The following TMEM232 variants were observed in gnomAD, a reference collection of about 807,000 sequenced individuals.
The protein encoded by TMEM232 is transmembrane protein 232.
A neutral mutation model predicts 78.8 loss-of-function variants in TMEM232; 80 were observed. That is an observed-to-expected ratio of 1.01 (90% CI 0.85 to 1.22). The LOEUF is 1.22. Ranked by LOEUF, TMEM232 falls within the 50% of genes most tolerant of loss-of-function variation. The probability of loss-of-function intolerance (pLI) is 0.00; values close to 1 mark genes in which losing one functional copy is unlikely to be tolerated. For missense variants in TMEM232, 881 were observed against 742.2 expected, an observed-to-expected ratio of 1.19 and a Z score of -2.17; for synonymous variants, 297 against 254.3, an observed-to-expected ratio of 1.17 and a Z score of -1.60.
At chr5:110,487,863 C>A (rs1465942392) in intron 12 of TMEM232, among the ~76,000 whole-genome samples, 8 of 151,838 alleles carry the variant, frequency 5.3e-5, no homozygotes, top group Non-Finnish European at 4.4e-5. Flanking sequence ...TGTGGAATAG[C>A]GTCAAAAGGA....
intron 3 of TMEM232, among the ~76,000 whole-genome samples, chr5:110,396,990 C>G (rs980256323): frequency 6.6e-6 from 1 of 152,142 alleles, no homozygotes; most frequent in African/African-American, 2.4e-5. Context: ...ACTCAGACAA[C>G]TCTTTATCTC....
At chr5:110,727,460 T>G (rs907276607), upstream of TMEM232, among the ~76,000 whole-genome samples, 3 of 152,050 alleles carry the variant, frequency 2.0e-5, no homozygotes, top group Non-Finnish European at 4.4e-5. Context: ...AATACAAAAG[T>G]TAGCCAGGCG....
chr5:110,602,463 A>G (rs182600053), intron 10 of TMEM232, among the ~76,000 whole-genome samples: 1,621 of 152,076 alleles, frequency 0.011, 22 homozygotes, highest in African/African-American at 0.036. Context: ...AAAAAAACCC[A>G]TCAACAAGTG....
intron 8 of TMEM232, among the ~76,000 whole-genome samples, 182 bp from the exon 9 acceptor site, chr5:110,606,469 C>T (rs1028746033): frequency 3.9e-5 from 6 of 152,030 alleles, no homozygotes; most frequent in Non-Finnish European, 8.8e-5. Flanking sequence ...AGAAGAGACA[C>T]ATTTTGGTAA....
chr5:110,622,103 G>C (rs1783827330), intron 7 of TMEM232, among the ~76,000 whole-genome samples: 2 of 152,102 alleles, frequency 1.3e-5, no homozygotes. Flanking sequence ...CCAATACAAA[G>C]TGTTACCTGG....
chr5:110,483,048 GATA>G (rs1217410189), intron 12 of TMEM232, among the ~76,000 whole-genome samples: 1 of 152,096 alleles, frequency 6.6e-6, no homozygotes, highest in Non-Finnish European at 1.5e-5. Context: ...TATTTTTGTT[GATA>G]ATACCTTTTT....
At chr5:110,500,225 G>T (rs1343159441) in intron 12 of TMEM232, among the ~76,000 whole-genome samples, 5 of 145,280 alleles carry the variant, frequency 3.4e-5, no homozygotes, top group Admixed American at 7.0e-5. Context: ...ACAGGTGGAG[G>T]TTGCAGTGAG....
At chr5:110,557,627 A>G (rs1270315604) in intron 11 of TMEM232, among the ~76,000 whole-genome samples, 1 of 152,186 alleles carries the variant, frequency 6.6e-6, no homozygotes, top group Admixed American at 6.5e-5. Context: ...GGAAGCAGGT[A>G]TATCTTACAT....
intron 3 of TMEM232, among the ~76,000 whole-genome samples, chr5:110,397,294 A>C (rs1755424730): frequency 6.6e-6 from 1 of 152,196 alleles, no homozygotes; most frequent in Non-Finnish European, 1.5e-5. Context: ...CATGTATAAC[A>C]TACTTCTTAT....
rs551063909 is a variant in TMEM232 at position 110,441,123 on chromosome 5, AG to A, written c.1704-16208del. 9.3e-4 allele frequency among the ~76,000 whole-genome samples: 141 copies of A among 152,216 alleles called. 1 individual carries two copies. Among genetic ancestry groups the A allele is most frequent in the African/African-American group, 3.2e-3 (135 of 41,548 alleles). ...CCAAAAAATGCAAGTCTCTGGATCC[AG>A]GGTTTCTGGATCTTGACCATATTGA... On this transcript the variant is annotated intron_variant, in intron 12 of 13. Coordinates refer to ENST00000455884, the MANE Select transcript of TMEM232 (RefSeq NM_001039763.4).
intron 2 of TMEM232, among the ~76,000 whole-genome samples, chr5:110,663,244 C>G (rs1179143888): frequency 6.6e-6 from 1 of 151,912 alleles, no homozygotes; most frequent in Non-Finnish European, 1.5e-5. Flanking sequence ...ATTAATGAAT[C>G]TTAAAAACAT....
chr5:110,622,859 G>A (rs1455352537), intron 7 of TMEM232, among the ~76,000 whole-genome samples: 1 of 145,956 alleles, frequency 6.9e-6, no homozygotes, highest in African/African-American at 2.5e-5. Flanking sequence ...TGGGGAGGGG[G>A]GAGGGATAGC....
rs185709867 is a variant in TMEM232 at position 110,533,878 on chromosome 5, A to G, written c.1456-5043T>C. ...GCAAAGGCAGGCTATGCTATAGTAC[A>G]AGCCACTAGCCCGCCTCTTAGAACC... is the stretch of plus-strand genomic sequence containing the variant. On this transcript the variant is annotated intron_variant, in intron 11 of 13. Transcript: ENST00000455884. Among the ~76,000 whole-genome samples, 1,477 of 152,242 alleles carry G rather than the reference A, an allele frequency of 9.7e-3. 34 individuals are homozygous for G. The highest frequency in any genetic ancestry group is 0.033 in the African/African-American group (1,381 of 41,532).
intron 7 of TMEM232, among the ~76,000 whole-genome samples, chr5:110,618,932 T>C (rs994474117): frequency 6.6e-6 from 1 of 152,194 alleles, no homozygotes; most frequent in Non-Finnish European, 1.5e-5. Flanking sequence ...TTGAACAAAA[T>C]GCTAACAGCA....
rs182303682 is a variant in TMEM232, at chr5:110,671,444, C to A, written c.-12-4080G>T. 1.4e-4 allele frequency among the ~76,000 whole-genome samples: 21 copies of A among 152,246 alleles called. No individual in the cohort carries two copies. In the East Asian group the frequency reaches 1.7e-3, roughly 13 times the overall value. On this transcript the variant is annotated intron_variant, in intron 1 of 13. Transcript: ENST00000455884. ...AATCATTCTACTATAAAGACACATGCACACGTATGTTTACTGCAGCACTAT... is the reference window on the plus strand; with the variant it reads ...AATCATTCTACTATAAAGACACATGAACACGTATGTTTACTGCAGCACTAT...
intron 2 of TMEM232, among the ~76,000 whole-genome samples, chr5:110,409,005 T>C (rs1289451460): frequency 1.3e-5 from 2 of 152,172 alleles, no homozygotes; most frequent in African/African-American, 2.4e-5. Context: ...TTTTAAATCA[T>C]GGAGTTTTGA....
chr5:110,629,895 T>C (rs1784902289), intron 5 of TMEM232, among the ~76,000 whole-genome samples: 1 of 152,194 alleles, frequency 6.6e-6, no homozygotes, highest in South Asian at 2.1e-4. Flanking sequence ...AAGGAAAGAA[T>C]GTAAACAAAA....
At chr5:110,438,738 G>A (rs1758703976) in intron 12 of TMEM232, among the ~76,000 whole-genome samples, 1 of 151,980 alleles carries the variant, frequency 6.6e-6, no homozygotes, top group Admixed American at 6.6e-5. Context: ...CTACAACTCA[G>A]TTCAAAAACG....
chr5:110,478,767 T>C (rs1170863040), intron 12 of TMEM232, among the ~76,000 whole-genome samples: 2 of 151,842 alleles, frequency 1.3e-5, no homozygotes, highest in Non-Finnish European at 2.9e-5. Context: ...GGTGCCAATG[T>C]TGCCTGTTTG....
Sources: gnomAD v4.1 joint callset for allele counts (sites outside exome capture counted in the v4.1 genomes callset) on GRCh38, gnomAD v4.1.1 for gene constraint, MANE v1.5 for transcripts, NCBI Gene and HGNC (gene_info 2026-07-23, HGNC 2026-07-21) for gene names.